Variants in PTPRT observed in about 807,000 individuals in gnomAD.
PTPRT encodes protein tyrosine phosphatase receptor type T, also known as receptor-type tyrosine-protein phosphatase T.
In PTPRT, 56 loss-of-function variants were observed where a neutral mutation model predicts 176.8. The observed-to-expected ratio is 0.32, with a 90% CI of 0.26 to 0.40. PTPRT has a LOEUF of 0.40. Among genes scored for constraint, PTPRT ranks in the 10% least tolerant of loss-of-function variants. The pLI, the probability that PTPRT is intolerant of heterozygous loss-of-function variation, is 1.00. For synonymous variants in PTPRT, 783 were observed against 739.0 expected (o/e 1.06, Z -0.96); for missense variants, 1,540 against 1,908.2 (o/e 0.81, Z 3.60).
intron 7 of PTPRT, among the ~76,000 whole-genome samples, chr20:42,525,845 A>T (rs1466323070): frequency 6.6e-6 from 1 of 152,224 alleles, no homozygotes; most frequent in Non-Finnish European, 1.5e-5. Context: ...AATAAACATT[A>T]ATGGGGACCA....
chr20:42,367,096 C>T (rs757027805), intron 9 of PTPRT, among the ~76,000 whole-genome samples: 1 of 152,132 alleles, frequency 6.6e-6, no homozygotes, highest in Non-Finnish European at 1.5e-5. Flanking sequence ...AAAGGAAATA[C>T]TTTGGGATTA....
At chr20:42,720,294 T>C (rs2076285272) in intron 6 of PTPRT, among the ~76,000 whole-genome samples, 1 of 152,198 alleles carries the variant, frequency 6.6e-6, no homozygotes, top group Admixed American at 6.5e-5. Flanking sequence ...TAAAAATCAC[T>C]ATTCCCATTT....
chr20:42,123,128 T>C (rs563037276), intron 19 of PTPRT, among the ~76,000 whole-genome samples: 27 of 152,256 alleles, frequency 1.8e-4, no homozygotes, highest in African/African-American at 5.1e-4. Context: ...TGTATGAATG[T>C]TTTTGAGCTG....
chr20:42,671,918 T>C (rs551487158), intron 7 of PTPRT, among the ~76,000 whole-genome samples: 1 of 152,320 alleles, frequency 6.6e-6, no homozygotes, highest in African/African-American at 2.4e-5. Flanking sequence ...AATCAGGTAG[T>C]CCGCATGGAA....
At chr20:42,276,742 A>C (rs1321662209) in intron 13 of PTPRT, among the ~76,000 whole-genome samples, 1 of 151,182 alleles carries the variant, frequency 6.6e-6, no homozygotes, top group East Asian at 2.0e-4. Flanking sequence ...CTTCCTATAT[A>C]AAACAGAATC....
At chr20:42,081,423 A>T (rs2146089216) in intron 30 of PTPRT, among the ~76,000 whole-genome samples, 1 of 152,278 alleles carries the variant, frequency 6.6e-6, no homozygotes, top group East Asian at 1.9e-4. Context: ...GCGGTGGTCC[A>T]CCATGGTACC....
intron 1 of PTPRT, among the ~76,000 whole-genome samples, chr20:43,171,518 G>A (rs1003031028): frequency 6.6e-6 from 1 of 152,196 alleles, no homozygotes; most frequent in Non-Finnish European, 1.5e-5. Flanking sequence ...GTTGGAGACA[G>A]CAAAGCTCCC....
chr20:42,349,013 G>A (rs1455945960), intron 11 of PTPRT, among the ~76,000 whole-genome samples: 1 of 152,208 alleles, frequency 6.6e-6, no homozygotes, highest in Admixed American at 6.5e-5. Flanking sequence ...ATTGTCCAAA[G>A]ACTTCAGACT....
At chr20:42,149,983 G>A (rs942211816) in intron 17 of PTPRT, among the ~76,000 whole-genome samples, 2 of 152,180 alleles carry the variant, frequency 1.3e-5, no homozygotes, top group Non-Finnish European at 2.9e-5. Context: ...TGCTGACTCA[G>A]TCCATAGGAC....
intron 16 of PTPRT, 68 bp downstream of exon 16, chr20:42,199,172 T>A: frequency 6.4e-7 from 1 of 1,552,408 alleles, no homozygotes; most frequent in Admixed American, 1.7e-5. Flanking sequence ...TGTGTGGGGT[T>A]CACAGCAGAA....
rs556238341 is a variant in PTPRT, at chr20:42,786,965, C to T, written c.486+4230G>A. Among the ~76,000 whole-genome samples, 4 of 152,286 alleles carry T rather than the reference C, an allele frequency of 2.6e-5. No individual in the cohort carries two copies. In the South Asian group the frequency reaches 8.3e-4, roughly 32 times the overall value. On this transcript the variant is annotated intron_variant, in intron 3 of 30. Transcript: ENST00000373187. ...TCAGGGTTCAGCTATGGCCTGGAAG[C>T]CAAATCCAGCCCACCACCTGTTTTT...
At chr20:43,037,161 C>T (rs577722924) in intron 1 of PTPRT, among the ~76,000 whole-genome samples, 1 of 152,278 alleles carries the variant, frequency 6.6e-6, no homozygotes, top group South Asian at 2.1e-4. Context: ...TAAGCAAAAT[C>T]TTTGCTTTAG....
At chr20:42,750,975 A>G (rs1336099670) in intron 6 of PTPRT, among the ~76,000 whole-genome samples, 1 of 152,202 alleles carries the variant, frequency 6.6e-6, no homozygotes, top group African/African-American at 2.4e-5. Context: ...GCTCCCCAGA[A>G]TTAAGTAATT....
At chr20:42,975,554 T>C (rs1195225377) in intron 1 of PTPRT, among the ~76,000 whole-genome samples, 2 of 152,236 alleles carry the variant, frequency 1.3e-5, no homozygotes, top group Non-Finnish European at 2.9e-5. Flanking sequence ...ACTTCTTTTA[T>C]TTTGTGAAAA....
intron 15 of PTPRT, among the ~76,000 whole-genome samples, chr20:42,201,279 G>A (rs1206546224): frequency 1.3e-5 from 2 of 152,168 alleles, no homozygotes; most frequent in African/African-American, 4.8e-5. Flanking sequence ...CAGTCTGGGT[G>A]ACAGAGTGAG....
chr20:42,534,254 G>A (rs2072435971), intron 7 of PTPRT, among the ~76,000 whole-genome samples: 1 of 152,304 alleles, frequency 6.6e-6, no homozygotes, highest in African/African-American at 2.4e-5. Flanking sequence ...CAGTGAGAAC[G>A]CTTTTGAATC....
chr20:43,105,055 T>G (rs1381860752), intron 1 of PTPRT, among the ~76,000 whole-genome samples: 2 of 152,086 alleles, frequency 1.3e-5, no homozygotes, highest in Non-Finnish European at 2.9e-5. Flanking sequence ...TGAGGCAAAC[T>G]TAGCCCAGGC....
rs73261001 is a variant in PTPRT, at chr20:42,187,257, A to T, written c.2491+11983T>A. ...ATTTCTTATGCTACTAATGGTTATT[A>T]TTTTGGTTAGTGGAATCTTGTGCTC... On this transcript the variant is annotated intron_variant, in intron 16 of 30. Transcript: ENST00000373187. Among the ~76,000 whole-genome samples the T allele has an allele frequency of 6.7e-3, 1,022 of 152,150 alleles. 16 individuals are homozygous for T. Among genetic ancestry groups the T allele is most frequent in the African/African-American group, 0.023 (962 of 41,504 alleles).
chr20:42,990,853 G>A (rs950776716), intron 1 of PTPRT, among the ~76,000 whole-genome samples: 2 of 152,172 alleles, frequency 1.3e-5, no homozygotes, highest in African/African-American at 4.8e-5. Context: ...GGAGTTTGCA[G>A]AGTTAGATAA....
Sources: gnomAD v4.1 joint callset for allele counts (sites outside exome capture counted in the v4.1 genomes callset) on GRCh38, gnomAD v4.1.1 for gene constraint, MANE v1.5 for transcripts, NCBI Gene and HGNC (gene_info 2026-07-23, HGNC 2026-07-21) for gene names.